SPTAN1: variants seen among roughly 807,000 people sequenced by gnomAD.
The protein encoded by SPTAN1 is spectrin alpha chain, non-erythrocytic 1.
SPTAN1 carries 61 observed loss-of-function variants against 331.3 expected under a neutral mutation model. That is an observed-to-expected ratio of 0.18 (90% CI 0.15 to 0.23). The LOEUF is 0.23. SPTAN1 is among the 10% of genes least tolerant of loss of function. The pLI is 1.00. For synonymous variants in SPTAN1, 1,153 were observed against 1,173.9 expected, an observed-to-expected ratio of 0.98 and a Z score of 0.36; for missense variants, 2,043 against 3,147.9, an observed-to-expected ratio of 0.65 and a Z score of 8.40.
chr9:128,613,553 C>G lies in SPTAN1; in HGVS notation c.5148+68C>G, dbSNP rs1856797543. ...AGCTCTGCCTGACTCCTAAGGAAAA[C>G]AAGCGTGTTTGAGAAAAGAGAGTGA... On this transcript the variant is annotated intron_variant, in intron 40 of 56. Transcript: ENST00000372739. 3.0e-6 allele frequency: 4 copies of G among 1,321,606 alleles called. No individual in the cohort carries two copies. In the African/African-American group the frequency reaches 4.3e-5, roughly 14 times the overall value. 81.9% of individuals were successfully genotyped at this position (1,321,606 alleles called of 1,614,324 possible).
In SPTAN1 at chr9:128,633,573, A is replaced by C; in HGVS notation, c.*239A>C. The C allele has an allele frequency of 9.3e-7, 1 of 1,070,908 alleles. No individual in the cohort carries two copies. The highest frequency in any genetic ancestry group is 1.5e-5 in the South Asian group (1 of 68,058). 66.3% of individuals were successfully genotyped at this position (1,070,908 alleles called of 1,614,324 possible). ...CCCTCATTCCGACTTCAGAAAATCG[A>C]AGCAGCTGGCTCCTCCCCTTGTTCT... is the stretch of plus-strand genomic sequence containing the variant. On this transcript the variant is annotated 3_prime_UTR_variant, in exon 57 of 57. Transcript: ENST00000372739.
intron 5 of SPTAN1, among the ~76,000 whole-genome samples, chr9:128,575,698 C>T (rs1202266232): frequency 6.6e-6 from 1 of 152,094 alleles, no homozygotes; most frequent in African/African-American, 2.4e-5. Context: ...AGATGTCCAC[C>T]AATGCATTAG....
intron 26 of SPTAN1, chr9:128,599,740 C>G (rs974487608): frequency 5.8e-5 from 11 of 188,626 alleles, no homozygotes; most frequent in Admixed American, 4.2e-4. Flanking sequence ...AAAACTTTTT[C>G]TATAGCTATC....
chr9:128,583,812 A>G lies in SPTAN1; in HGVS notation c.2036A>G (p.Gln679Arg). Residue 679 changes from glutamine to arginine, a missense_variant, in exon 16 of 57, where the codon CAG becomes CGG. By Grantham distance (43) the Gln-to-Arg change is conservative. This residue lies in a region of SPTAN1 where 1,038 missense variants were observed against 1,531.5 expected (regional missense o/e 0.68). Coordinates refer to ENST00000372739, the MANE Select transcript of SPTAN1 (RefSeq NM_001130438.3). ...GGAATAAAGCTTCGTGAAGCCAACC[A>G]GCAACAGCAATTTAATCGCAATGTT... Reference protein sequence around the residue: ...LKGIKLREANQQQQFNRNVED... With the variant: ...LKGIKLREANRQQQFNRNVED... The G allele has an allele frequency of 1.2e-6, 2 of 1,614,254 alleles. No individual in the cohort carries two copies. Among genetic ancestry groups the G allele is most frequent in the Non-Finnish European group, 1.7e-6 (2 of 1,180,048 alleles).
chr9:128,600,008 T>A, intron 26 of SPTAN1, 72 bp from the exon 27 acceptor site: 2 of 1,513,960 alleles, frequency 1.3e-6, no homozygotes, highest in Non-Finnish European at 1.8e-6. Context: ...CTAGAGTCAT[T>A]CGCTGGAAAG....
chr9:128,584,024 G>A (rs1272070565), intron 16 of SPTAN1, 55 bp downstream of exon 16: 5 of 1,606,746 alleles, frequency 3.1e-6, no homozygotes, highest in South Asian at 2.2e-5. Context: ...CTATAGGAGG[G>A]AGGAAAAGCC....
At chr9:128,605,992 CA>C (rs55642110) in intron 31 of SPTAN1, among the ~76,000 whole-genome samples, 100,715 of 134,398 alleles carry the variant, frequency 0.75, 39,191 homozygotes, top group Non-Finnish European at 0.89. Context: ...AACTCCATCT[CA>C]AAAAAAAAAA....
rs138423655 is a variant in SPTAN1 at position 128,628,757 on chromosome 9, G to A, written c.6707+815G>A. 15 of 194,236 alleles carry A rather than the reference G, an allele frequency of 7.7e-5. No homozygotes were observed. The Middle Eastern group carries it at 9.5e-3, about 123-fold the overall frequency. The allele number at this position is 194,236 out of a possible 1,614,324, so 12.0% of individuals were successfully genotyped here. The stretch of plus-strand genomic sequence containing the variant: ...GGGAGAAATAGACCCATCCAGCCGG[G>A]CCACACATTCTGATGGCAGAGCAGC... On this transcript the variant is annotated intron_variant, in intron 51 of 56. Coordinates refer to ENST00000372739, the MANE Select transcript of SPTAN1 (RefSeq NM_001130438.3).
Position 128,611,801 on chromosome 9 carries a change from C to T in SPTAN1, c.4861C>T (p.Leu1621Phe). The T allele has an allele frequency of 6.2e-7, 1 of 1,614,156 alleles. No individual in the cohort carries two copies. Among genetic ancestry groups the T allele is most frequent in the African/African-American group, 1.3e-5 (1 of 75,022 alleles). The change falls in exon 38 of 57, where the codon CTC becomes TTC. Residue 1621 changes from leucine (L) to phenylalanine (F), a missense_variant. By Grantham distance (22) the Leu-to-Phe change is conservative. Transcript: ENST00000372739. ...IRGVIDMGNS[L>F]IERGACAGSE... ...TGGGGTTATCGACATGGGCAACTCC[C>T]TCATTGAACGTGGAGCCTGTGCCGG...
At position 128,627,205 on chromosome 9, in the gene SPTAN1, G is replaced by C. The variant is rs1345572029; in HGVS notation, c.6577-181G>C. 3.1e-6 allele frequency: 2 copies of C among 655,588 alleles called. No homozygotes were observed. Among genetic ancestry groups the C allele is most frequent in the Admixed American group, 2.2e-5 (1 of 45,424 alleles). 40.6% of individuals were successfully genotyped at this position (655,588 alleles called of 1,614,324 possible). A position where few individuals can be genotyped will look rare whatever the true frequency, so the allele number is the denominator to read the frequency against. On this transcript the variant is annotated intron_variant, in intron 49 of 56. Coordinates refer to ENST00000372739, the MANE Select transcript of SPTAN1 (RefSeq NM_001130438.3). This position sits in a 1 kb window ranked among gnomAD's most constrained non-coding sequence, Gnocchi z 4.9. ...GCCTCTTCCTTGAAGCCCCTGGGGG[G>C]TGGGAACAGAGAAAGAACTACCAAG...
At chr9:128,628,956 T>C (rs1859228336) in intron 51 of SPTAN1, 1 of 390,962 alleles carries the variant, frequency 2.6e-6, no homozygotes, top group Non-Finnish European at 4.5e-6. Context: ...CCATTCCTAG[T>C]GTGAGCTGCC....
At chr9:128,630,030 G>A (rs1859439921) in intron 51 of SPTAN1, 1 of 544,370 alleles carries the variant, frequency 1.8e-6, no homozygotes, top group African/African-American at 1.9e-5. Context: ...GCACCCATGG[G>A]GGAATTTAAA....
intron 31 of SPTAN1, among the ~76,000 whole-genome samples, chr9:128,606,109 C>T (rs571073374): frequency 6.6e-6 from 1 of 151,954 alleles, no homozygotes; most frequent in Non-Finnish European, 1.5e-5. Context: ...CGGTGGCTCA[C>T]GCCTGTAATC....
rs931538604 is a variant in SPTAN1, at chr9:128,625,648, G to A, written c.6070-121G>A. 20 of 900,758 alleles carry A rather than the reference G, an allele frequency of 2.2e-5. No homozygotes were observed. In the African/African-American group the frequency reaches 2.9e-4, roughly 13 times the overall value. 55.8% of individuals were successfully genotyped at this position (900,758 alleles called of 1,614,324 possible). ...GGGCATGTGTGACTGAGTCTCAGCA[G>A]TGTCCAGGTGGACAGTTTGGCTTGG... On this transcript the variant is annotated intron_variant, in intron 47 of 56. Transcript: ENST00000372739. This position sits in a 1 kb window ranked among gnomAD's most constrained non-coding sequence, Gnocchi z 4.1.
chr9:128,621,575 CAT>C, intron 45 of SPTAN1: 1 of 434,632 alleles, frequency 2.3e-6, no homozygotes, highest in Non-Finnish European at 4.3e-6. Flanking sequence ...ATAAGCAAAA[CAT>C]AAAATAAAAA....
At chr9:128,618,726 G>C (rs1857488027) in intron 43 of SPTAN1, 145 bp from the exon 44 acceptor site, 1 of 1,148,076 alleles carries the variant, frequency 8.7e-7, no homozygotes, top group African/African-American at 1.5e-5. Context: ...CTCGTGATCT[G>C]CCCGCCTCGG....
chr9:128,556,778 GT>G (rs1848683535), intron 1 of SPTAN1, among the ~76,000 whole-genome samples: 1 of 152,140 alleles, frequency 6.6e-6, no homozygotes, highest in African/African-American at 2.4e-5. Context: ...TATTTATGGT[GT>G]TCAGTCATCC....
rs1850329149 is a variant in SPTAN1 at position 128,568,789 on chromosome 9, T to A, written c.255T>A (p.His85Gln). 1 of 1,614,132 alleles carries A rather than the reference T, an allele frequency of 6.2e-7. No individual in the cohort carries two copies. The highest frequency in any genetic ancestry group is 8.5e-7 in the Non-Finnish European group (1 of 1,180,000). Residue 85 changes from histidine (H) to glutamine (Q), a missense_variant, in exon 3 of 57, where the codon CAT (histidine) becomes CAA (glutamine). Transcript: ENST00000372739. ...PTNLQGKLQKHQAFEAEVQAN... is the reference protein window; with the variant it reads ...PTNLQGKLQKQQAFEAEVQAN... ...GCCAACAGGGAAAGCTTCAGAAGCA[T>A]CAAGCATTTGAAGCTGAAGTGCAGG...
intron 40 of SPTAN1, 137 bp from the exon 41 acceptor site, chr9:128,615,495 A>G: frequency 1.2e-6 from 1 of 823,154 alleles, no homozygotes; most frequent in Non-Finnish European, 2.1e-6. Context: ...GTGAGTTGAT[A>G]GAATGCCAGA....
Sources: allele counts gnomAD v4.1 joint callset (sites outside exome capture counted in the v4.1 genomes callset), GRCh38; gene constraint gnomAD v4.1.1; regional missense constraint gnomAD v4.1.1; non-coding constraint Gnocchi (gnomAD v3.1); transcripts MANE v1.5; gene names NCBI Gene and HGNC (gene_info 2026-07-23, HGNC 2026-07-21).